Variants in C8B observed in about 807,000 individuals in gnomAD.
C8B encodes the protein complement C8 beta chain, also known as complement component C8 beta chain.
In C8B, 67 loss-of-function variants were observed where a neutral mutation model predicts 64.6. The ratio of observed to expected loss-of-function variants is 1.04; its 90% CI spans 0.85 to 1.27. C8B has a LOEUF of 1.27. Among genes scored for constraint, C8B ranks in the 50% most tolerant of loss-of-function variants. The pLI is 0.00. For missense variants in C8B, 790 were observed against 725.2 expected, an observed-to-expected ratio of 1.09 and a Z score of -1.03; for synonymous variants, 284 against 257.7, an observed-to-expected ratio of 1.10 and a Z score of -0.98.
chr1:56,954,983 A>C (rs1218049079), intron 3 of C8B, among the ~76,000 whole-genome samples, 156 bp from the exon 4 acceptor site: 1 of 152,174 alleles, frequency 6.6e-6, no homozygotes, highest in African/African-American at 2.4e-5. Flanking sequence ...TGGTTATGGC[A>C]CTAACAGTTT....
At chr1:56,962,119 G>A (rs1430025907) in intron 1 of C8B, among the ~76,000 whole-genome samples, 1 of 152,180 alleles carries the variant, frequency 6.6e-6, no homozygotes, top group Non-Finnish European at 1.5e-5. Flanking sequence ...GGTAAGTAAT[G>A]TACACACTAG....
chr1:56,943,881 T>C, intron 7 of C8B, 57 bp from the exon 8 acceptor site: 1 of 1,604,036 alleles, frequency 6.2e-7, no homozygotes, highest in South Asian at 1.1e-5. Context: ...TCTGTCCCTT[T>C]TCCTATGATC....
Position 56,956,891 on chromosome 1 carries a change from A to T in C8B, c.269T>A (p.Leu90His). 6.2e-7 allele frequency: 1 copy of T among 1,614,088 alleles called. No homozygotes were observed. The highest frequency in any genetic ancestry group is 8.5e-7 in the Non-Finnish European group (1 of 1,179,980). The change falls in exon 3 of 12, where the codon CTC (leucine) becomes CAC (histidine). Residue 90 changes from leucine to histidine, a missense_variant. Physicochemically the swap from Leu to His is moderately conservative, Grantham distance 99. Coordinates refer to ENST00000371237, the MANE Select transcript of C8B (RefSeq NM_000066.4). ...QKKRYRYAYL[L>H]QPSQFHGEPC... ...TTCCCCATGGAACTGAGAGGGCTGGAGCAAGTAGGCATACCTGTACTGTAG... is the reference window on the plus strand; with the variant it reads ...TTCCCCATGGAACTGAGAGGGCTGGTGCAAGTAGGCATACCTGTACTGTAG...
intron 1 of C8B, among the ~76,000 whole-genome samples, chr1:56,960,679 T>C (rs938034727): frequency 6.6e-6 from 1 of 152,094 alleles, no homozygotes; most frequent in Non-Finnish European, 1.5e-5. Flanking sequence ...GGCGAGAGGA[T>C]GGGGAGAACC....
intron 9 of C8B, among the ~76,000 whole-genome samples, chr1:56,939,306 T>C: frequency 6.6e-6 from 1 of 152,194 alleles, no homozygotes; most frequent in East Asian, 1.9e-4. Context: ...TCAGCTGATT[T>C]TATCCTTTTC....
intron 11 of C8B, among the ~76,000 whole-genome samples, chr1:56,929,865 T>A (rs988276): frequency 0.12 from 18,827 of 152,256 alleles, 1,485 homozygotes; most frequent in Non-Finnish European, 0.18. Flanking sequence ...CCAGTCCCCA[T>A]CAATTCCCTG....
intron 1 of C8B, chr1:56,963,894 T>A (rs1448888083): frequency 1.0e-6 from 1 of 985,294 alleles, no homozygotes; most frequent in Non-Finnish European, 1.2e-6. Context: ...CAAGAGTAAG[T>A]AAGAACAAAA....
Position 56,933,320 on chromosome 1 carries a change from G to A in C8B, c.1552+15C>T. The A allele has an allele frequency of 6.2e-7, 1 of 1,609,004 alleles. No homozygotes were observed. Among genetic ancestry groups the A allele is most frequent in the Non-Finnish European group, 8.5e-7 (1 of 1,175,434 alleles). On this transcript the variant is annotated intron_variant, in intron 10 of 11. Coordinates refer to ENST00000371237, the MANE Select transcript of C8B (RefSeq NM_000066.4). ...ATGGCTTCCACCAGGGACACCAGCTGCCTGAAAGTGGTACCTTTCAGGACA... is the reference window on the plus strand; with the variant it reads ...ATGGCTTCCACCAGGGACACCAGCTACCTGAAAGTGGTACCTTTCAGGACA...
At position 56,940,926 on chromosome 1, in the gene C8B, G is replaced by A; in HGVS notation, c.1321C>T (p.Gln441Ter). The A allele has an allele frequency of 6.2e-7, 1 of 1,614,006 alleles. No individual in the cohort carries two copies. Among genetic ancestry groups the A allele is most frequent in the Non-Finnish European group, 8.5e-7 (1 of 1,179,998 alleles). Reference protein sequence around the residue: ...ASEHITTLAYQELPTADLMQE... With the variant: ...ASEHITTLAY ...ATCAGGTCCGCCGTCGGCAGCTCCT[G>A]GTATGCCAGGGTGGTGATGTGCTCA... The change falls in exon 9 of 12, where the codon CAG (glutamine) becomes TAG (stop). Residue 441 changes from glutamine to a stop codon, truncating the protein, a stop_gained. Transcript: ENST00000371237. LOFTEE classifies it high-confidence loss of function.
At chr1:56,959,387 C>T (rs1271296187) in intron 2 of C8B, 1 of 634,592 alleles carries the variant, frequency 1.6e-6, no homozygotes, top group East Asian at 2.7e-5. Flanking sequence ...GCTATCGAAG[C>T]TCATAAAAGA....
At chr1:56,958,540 G>A (rs1441604287) in intron 2 of C8B, among the ~76,000 whole-genome samples, 5 of 152,132 alleles carry the variant, frequency 3.3e-5, no homozygotes, top group African/African-American at 1.2e-4. Flanking sequence ...GGCAAAGTGG[G>A]TTCCAGGAGT....
intron 8 of C8B, among the ~76,000 whole-genome samples, chr1:56,942,604 T>A (rs1644879978): frequency 6.6e-6 from 1 of 151,950 alleles, no homozygotes; most frequent in Non-Finnish European, 1.5e-5. Flanking sequence ...TTTGGGAGGC[T>A]GAGGCAGAAG....
chr1:56,956,314 C>T (rs7525070), intron 3 of C8B, among the ~76,000 whole-genome samples: 103,053 of 151,936 alleles, frequency 0.68, 35,279 homozygotes, highest in South Asian at 0.76. Context: ...TATAACAGAC[C>T]TGTAAGGTAT....
intron 5 of C8B, among the ~76,000 whole-genome samples, chr1:56,950,536 G>T (rs552068104): frequency 6.6e-6 from 1 of 152,330 alleles, no homozygotes; most frequent in African/African-American, 2.4e-5. Context: ...CCTGCCCACA[G>T]CTCCCATCAG....
At chr1:56,945,532 A>G (rs1359703182) in intron 7 of C8B, among the ~76,000 whole-genome samples, 1 of 150,560 alleles carries the variant, frequency 6.6e-6, no homozygotes, top group Non-Finnish European at 1.5e-5. Flanking sequence ...CGGGTGCAGG[A>G]AGAGATCCAG....
At chr1:56,934,032 CA>C (rs1242941775) in intron 9 of C8B, among the ~76,000 whole-genome samples, 1 of 152,138 alleles carries the variant, frequency 6.6e-6, no homozygotes, top group Non-Finnish European at 1.5e-5. Flanking sequence ...TCCAGAGCTG[CA>C]AAGCTCACAG....
intron 8 of C8B, among the ~76,000 whole-genome samples, chr1:56,943,435 T>C (rs1644893511): frequency 6.6e-6 from 1 of 152,224 alleles, no homozygotes; most frequent in African/African-American, 2.4e-5. Flanking sequence ...ACTATAGTTA[T>C]ACACAAAAAC....
intron 4 of C8B, 101 bp downstream of exon 4, chr1:56,954,585 G>A: frequency 6.8e-7 from 1 of 1,476,532 alleles, no homozygotes. Flanking sequence ...AGAAAGGTGA[G>A]TGAGGACCTC....
chr1:56,949,140 C>T (rs769322694), intron 6 of C8B, among the ~76,000 whole-genome samples: 6 of 151,970 alleles, frequency 3.9e-5, no homozygotes, highest in Non-Finnish European at 8.8e-5. Context: ...TGGAATGTCC[C>T]CTCCAAAACT....
Sources: allele counts gnomAD v4.1 joint callset (sites outside exome capture counted in the v4.1 genomes callset), GRCh38; gene constraint gnomAD v4.1.1; transcripts MANE v1.5; gene names NCBI Gene and HGNC (gene_info 2026-07-23, HGNC 2026-07-21).